ABHD12: variants seen among roughly 807,000 people sequenced by gnomAD.
The protein encoded by ABHD12 is abhydrolase domain containing 12, lysophospholipase.
In ABHD12, 43 loss-of-function variants were observed where a neutral mutation model predicts 58.3. That is an observed-to-expected ratio of 0.74 (90% CI 0.58 to 0.95). The LOEUF (loss-of-function observed/expected upper bound fraction) is 0.95, where lower values mean the gene tolerates loss of function less well. Among genes scored for constraint, ABHD12 ranks in the 40% least tolerant of loss-of-function variants. ABHD12 has a pLI of 0.00. For missense variants in ABHD12, 539 were observed against 537.2 expected, an observed-to-expected ratio of 1.00 and a Z score of -0.03; for synonymous variants, 219 against 211.2, an observed-to-expected ratio of 1.04 and a Z score of -0.32.
chr20:25,378,363 C>T (rs1054027009), intron 1 of ABHD12, among the ~76,000 whole-genome samples: 1 of 152,146 alleles, frequency 6.6e-6, no homozygotes, highest in African/African-American at 2.4e-5. Flanking sequence ...ATCTGGCAAA[C>T]AGCAGGAATA....
chr20:25,343,905 A>AAGC (rs2089486561), intron 1 of ABHD12, among the ~76,000 whole-genome samples: 1 of 152,236 alleles, frequency 6.6e-6, no homozygotes, highest in African/African-American at 2.4e-5. Flanking sequence ...ACAATGTATA[A>AAGC]AAAGAATTAT....
Position 25,309,574 on chromosome 20 carries a change from A to G in ABHD12, c.621T>C (p.Gly207=), listed in dbSNP as rs775138071. 2.5e-6 allele frequency: 4 copies of G among 1,614,014 alleles called. No individual in the cohort carries two copies. The South Asian group carries it at 3.3e-5, about 13-fold the overall frequency. Residue 207 remains glycine, a splice_region_variant and synonymous_variant, in exon 7 of 13, where the codon GGT becomes GGC. Transcript: ENST00000339157. Reference sequence around the variant, plus strand: ...ATGGCGTTCCCACTGAGTCACCCCAACCTGGGAGGGAGAAACGGCAGGACG... The same window carrying G: ...ATGGCGTTCCCACTGAGTCACCCCAGCCTGGGAGGGAGAAACGGCAGGACG... ...GYHVVTFDYR[G]WGDSVGTPSE... is the part of the protein sequence containing the mutation.
intron 1 of ABHD12, among the ~76,000 whole-genome samples, chr20:25,344,016 A>G (rs1032861737): frequency 2.6e-5 from 4 of 152,194 alleles, no homozygotes; most frequent in African/African-American, 9.7e-5. Context: ...AAAAAAGAAA[A>G]ATCACATGAT....
intron 1 of ABHD12, among the ~76,000 whole-genome samples, chr20:25,363,699 T>A (rs1259811135): frequency 6.6e-6 from 1 of 151,900 alleles, no homozygotes; most frequent in African/African-American, 2.4e-5. Context: ...AAACCCCATC[T>A]CCACTAAAAT....
At chr20:25,350,060 A>AT (rs2089577963) in intron 1 of ABHD12, among the ~76,000 whole-genome samples, 1 of 152,250 alleles carries the variant, frequency 6.6e-6, no homozygotes, top group Admixed American at 6.5e-5. Context: ...AAAATTCAAC[A>AT]TGTAGTCCCA....
rs11904930 is a variant in ABHD12 at position 25,339,341 on chromosome 20, C to T, written c.202G>A (p.Val68Met). The T allele has an allele frequency of 1.3e-3, 2,102 of 1,614,130 alleles. 22 individuals carry two copies. In the African/African-American group the frequency reaches 0.024, roughly 18 times the overall value. The change falls in exon 2 of 13, where the codon GTG becomes ATG. Residue 68 changes from valine to methionine, a missense_variant. Transcript: ENST00000339157. ...AGTATCTTCCTCAGGCGCAACCACA[C>T]GCCCTTTCGCCTGCAAGAGAAAAGC... ...MKRALGRRKG[V>M]WLRLRKILFC...
downstream of ABHD12, among the ~76,000 whole-genome samples, chr20:25,298,431 A>G (rs773257376): frequency 1.1e-4 from 17 of 151,940 alleles, no homozygotes; most frequent in Non-Finnish European, 2.5e-4. Context: ...ACACCCGGCT[A>G]ATTTGTGTAT....
At chr20:25,359,341 G>A (rs1341648815) in intron 1 of ABHD12, among the ~76,000 whole-genome samples, 1 of 145,730 alleles carries the variant, frequency 6.9e-6, no homozygotes, top group Non-Finnish European at 1.5e-5. Context: ...AGAGAATGGC[G>A]TGAACCCGGG....
chr20:25,332,214 AT>A (rs1478506102), intron 2 of ABHD12, among the ~76,000 whole-genome samples: 1 of 151,916 alleles, frequency 6.6e-6, no homozygotes, highest in Non-Finnish European at 1.5e-5. Context: ...AAAGAAGGCC[AT>A]TACTTAATGG....
At chr20:25,362,294 G>A (rs2089760055) in intron 1 of ABHD12, among the ~76,000 whole-genome samples, 1 of 149,634 alleles carries the variant, frequency 6.7e-6, no homozygotes, top group African/African-American at 2.5e-5. Flanking sequence ...GAAAGAAAAG[G>A]CCGGGCACAG....
Position 25,316,909 on chromosome 20 carries a change from A to C in ABHD12, c.573+139T>G, listed in dbSNP as rs947205741. On this transcript the variant is annotated intron_variant, in intron 5 of 12. Coordinates refer to ENST00000339157, the MANE Select transcript of ABHD12 (RefSeq NM_001042472.3). ...ACCACTGCACTCCAGCCTGGGCAAC[A>C]GAGGAGGAGGACCCTGTCTCACACA... The C allele has an allele frequency of 3.8e-6, 3 of 790,714 alleles. No homozygotes were observed. In the African/African-American group the frequency reaches 5.1e-5, roughly 13 times the overall value. The allele number at this position is 790,714 out of a possible 1,614,324, so 49.0% of individuals were successfully genotyped here. A position where few individuals can be genotyped will look rare whatever the true frequency, so the allele number is the denominator to read the frequency against.
At chr20:25,369,450 T>C (rs1003543476) in intron 1 of ABHD12, among the ~76,000 whole-genome samples, 3 of 152,118 alleles carry the variant, frequency 2.0e-5, no homozygotes, top group African/African-American at 7.2e-5. Flanking sequence ...ACTAAACACA[T>C]TACTCAGGAA....
intron 1 of ABHD12, among the ~76,000 whole-genome samples, chr20:25,381,752 C>A (rs535282229): frequency 3.3e-5 from 5 of 152,172 alleles, no homozygotes; most frequent in Admixed American, 6.5e-5. Context: ...GATTCTCCTG[C>A]CTCAGCCTCC....
At chr20:25,389,197 T>G (rs1245844135) in intron 1 of ABHD12, among the ~76,000 whole-genome samples, 3 of 152,216 alleles carry the variant, frequency 2.0e-5, no homozygotes, top group African/African-American at 7.2e-5. Flanking sequence ...ATCATGAGTT[T>G]TTAATGCAGA....
At chr20:25,312,274 CCCTGCCTGATTCT>C (rs1407142161) in intron 6 of ABHD12, among the ~76,000 whole-genome samples, 1 of 152,202 alleles carries the variant, frequency 6.6e-6, no homozygotes, top group Non-Finnish European at 1.5e-5. Context: ...ACTGCAACCT[CCCTGCCTGATTCT>C]CCTGCCTCAG....
chr20:25,329,302 T>C (rs1472663970), intron 2 of ABHD12, among the ~76,000 whole-genome samples: 1 of 152,242 alleles, frequency 6.6e-6, no homozygotes, highest in African/African-American at 2.4e-5. Flanking sequence ...AACTCTCTCA[T>C]GGCTCCCTCT....
downstream of ABHD12, among the ~76,000 whole-genome samples, chr20:25,298,514 G>A (rs956617069): frequency 6.6e-6 from 1 of 152,088 alleles, no homozygotes; most frequent in Admixed American, 6.6e-5. Context: ...CTCAGCCTCC[G>A]AAAGTGCTGA....
intron 10 of ABHD12, among the ~76,000 whole-genome samples, chr20:25,305,655 C>T (rs2088723231): frequency 6.6e-6 from 1 of 151,982 alleles, no homozygotes; most frequent in Non-Finnish European, 1.5e-5. Context: ...GCCACCACGC[C>T]CAGCCTACTT....
intron 1 of ABHD12, among the ~76,000 whole-genome samples, chr20:25,376,019 A>C (rs2146119685): frequency 6.6e-6 from 1 of 152,188 alleles, no homozygotes; most frequent in Non-Finnish European, 1.5e-5. Flanking sequence ...GCCACTTGGG[A>C]GGCTGAGGCA....
Sources: allele counts gnomAD v4.1 joint callset (sites outside exome capture counted in the v4.1 genomes callset), GRCh38; gene constraint gnomAD v4.1.1; transcripts MANE v1.5; gene names NCBI Gene and HGNC (gene_info 2026-07-23, HGNC 2026-07-21).